The following DMD variants were observed in gnomAD, a reference collection of about 807,000 sequenced individuals.
The protein encoded by DMD is dystrophin, also known as mutant dystrophin.
Under a neutral mutation model 330.1 loss-of-function variants are expected in DMD, and 63 were observed. The ratio of observed to expected loss-of-function variants is 0.19; its 90% CI spans 0.16 to 0.24. DMD has a LOEUF of 0.24. Among genes scored for constraint, DMD ranks in the 10% least tolerant of loss-of-function variants. The pLI is 1.00. For missense variants in DMD, 3,344 were observed against 2,684.1 expected (o/e 1.25, Z -5.43); for synonymous variants, 1,223 against 959.8 (o/e 1.27, Z -5.07).
At chrX:32,733,178 A>G (rs183120879) in intron 7 of DMD, among the ~76,000 whole-genome samples, 123 of 110,632 alleles carry the variant, frequency 1.1e-3, no homozygotes, top group African/African-American at 4.1e-3. Context: ...GCCATTACAT[A>G]ATGGTAAAGG....
intron 16 of DMD, among the ~76,000 whole-genome samples, chrX:32,551,520 C>T (rs1603636110): frequency 1.8e-5 from 2 of 111,895 alleles, no homozygotes; most frequent in Middle Eastern, 9.3e-3. Flanking sequence ...AAAAAGTCCA[C>T]AGCCAACATT....
At chrX:32,950,913 C>T (rs1035846318) in intron 2 of DMD, among the ~76,000 whole-genome samples, 3 of 111,226 alleles carry the variant, frequency 2.7e-5, no homozygotes, top group Non-Finnish European at 3.8e-5. Flanking sequence ...CGGGAGTAAG[C>T]TGACAATTAA....
At chrX:31,180,146 C>T (rs190180846) in intron 69 of DMD, among the ~76,000 whole-genome samples, 1 of 111,310 alleles carries the variant, frequency 9.0e-6, no homozygotes, top group Non-Finnish European at 1.9e-5. Context: ...ATTTATTCAT[C>T]CAACAATATT....
chrX:33,166,727 G>T (rs1345689572), intron 1 of DMD, among the ~76,000 whole-genome samples: 1 of 109,837 alleles, frequency 9.1e-6, no homozygotes, highest in Non-Finnish European at 1.9e-5. Context: ...TGAACAAAAA[G>T]TCATGGCTGG....
intron 50 of DMD, among the ~76,000 whole-genome samples, chrX:31,817,891 G>A (rs1360103084): frequency 9.0e-6 from 1 of 111,592 alleles, no homozygotes; most frequent in African/African-American, 3.3e-5. Flanking sequence ...CTCCCTGCCT[G>A]GAATAATTTT....
chrX:32,545,148 G>C lies in DMD; in HGVS notation c.2168+11C>G, dbSNP rs376214348. 4 of 1,205,323 alleles carry C rather than the reference G, an allele frequency of 3.3e-6. No homozygotes were observed. Among genetic ancestry groups the C allele is most frequent in the Non-Finnish European group, 4.5e-6 (4 of 889,948 alleles). ...ACTTCATTTGCAGATAAAAGCTTAA[G>C]ATGCTCTCACCTTTTCCTAATTTCA... On this transcript the variant is annotated intron_variant, in intron 17 of 78. Transcript: ENST00000357033.
chrX:33,263,821 C>T (rs181537116), intron 1 of DMD, among the ~76,000 whole-genome samples: 19 of 110,360 alleles, frequency 1.7e-4, no homozygotes, highest in South Asian at 3.7e-4. Flanking sequence ...TTGCTTTGCA[C>T]GTCTGGGAAA....
At chrX:32,912,579 A>G (rs67636309) in intron 2 of DMD, among the ~76,000 whole-genome samples, 13,852 of 111,670 alleles carry the variant, frequency 0.12, 645 homozygotes, top group Admixed American at 0.17. Flanking sequence ...CTATGACGGA[A>G]TATGACATAA....
chrX:31,689,591 A>C (rs1341815251), intron 52 of DMD, among the ~76,000 whole-genome samples: 6 of 111,626 alleles, frequency 5.4e-5, no homozygotes, highest in Admixed American at 2.8e-4. Flanking sequence ...GCTACCAATG[A>C]CTTTCTTCAC....
At chrX:33,305,429 A>AG (rs1177617159) in intron 1 of DMD, among the ~76,000 whole-genome samples, 1 of 43,042 alleles carries the variant, frequency 2.3e-5, no homozygotes, top group Non-Finnish European at 4.4e-5. Flanking sequence ...GGGTGGGGGG[A>AG]GGGGGGAGGG....
At chrX:32,639,776 A>G (rs2059332656) in intron 11 of DMD, among the ~76,000 whole-genome samples, 1 of 112,026 alleles carries the variant, frequency 8.9e-6, no homozygotes, top group Non-Finnish European at 1.9e-5. Context: ...TTGTGAAAAA[A>G]TAACTGCAAA....
At chrX:31,648,411 C>T (rs1177629207) in intron 54 of DMD, among the ~76,000 whole-genome samples, 3 of 108,252 alleles carry the variant, frequency 2.8e-5, no homozygotes, top group Admixed American at 1.0e-4. Context: ...AGAAATGCCA[C>T]AAAAACACAC....
Position 32,325,331 on chromosome X carries a change from C to T in DMD, c.5923-15055G>A, listed in dbSNP as rs556114298. 1.8e-3 allele frequency among the ~76,000 whole-genome samples: 196 copies of T among 111,121 alleles called. 2 individuals are homozygous for T. The highest frequency in any genetic ancestry group is 6.1e-3 in the African/African-American group (188 of 30,671). On this transcript the variant is annotated intron_variant, in intron 41 of 78. Transcript: ENST00000357033. Reference sequence around the variant, plus strand: ...AATACTGCAATACATTTAAAATAATCGCACAGAGCTCTGAACTAGCACTAA... The same window carrying T: ...AATACTGCAATACATTTAAAATAATTGCACAGAGCTCTGAACTAGCACTAA...
chrX:32,482,013 A>G (rs1300992463), intron 21 of DMD, among the ~76,000 whole-genome samples: 1 of 112,132 alleles, frequency 8.9e-6, no homozygotes, highest in Non-Finnish European at 1.9e-5. Context: ...TGGCTTTGTC[A>G]TAACTAATAA....
chrX:32,192,426 G>C (rs1189067942), intron 44 of DMD, among the ~76,000 whole-genome samples: 1 of 111,763 alleles, frequency 8.9e-6, no homozygotes, highest in African/African-American at 3.3e-5. Context: ...CCAATGAACA[G>C]AGAGAGCACT....
Position 33,279,744 on chromosome X carries a change from G to T in DMD, c.7+59515C>A, listed in dbSNP as rs780128663. ...ATCTGGTGTCTATTTTCTTATTTTA[G>T]CCATTTTGACTACTAGGTAATAATA... On this transcript the variant is annotated intron_variant, in intron 1 of 17. Coordinates refer to the DMD transcript ENST00000288447. Among the ~76,000 whole-genome samples, 9 of 110,581 alleles carry T rather than the reference G, an allele frequency of 8.1e-5. No individual in the cohort carries two copies. In the East Asian group the frequency reaches 2.6e-3, roughly 32 times the overall value.
intron 1 of DMD, among the ~76,000 whole-genome samples, chrX:33,322,557 G>C (rs2054031389): frequency 9.0e-6 from 1 of 111,388 alleles, no homozygotes; most frequent in African/African-American, 3.3e-5. Flanking sequence ...TGTGGCTTTT[G>C]TACTCTAACC....
At chrX:32,453,086 T>C (rs1357178592) in intron 26 of DMD, among the ~76,000 whole-genome samples, 1 of 111,252 alleles carries the variant, frequency 9.0e-6, no homozygotes. Context: ...CACCCTCAAA[T>C]CCTGCCTGAA....
intron 1 of DMD, among the ~76,000 whole-genome samples, chrX:33,118,260 G>C (rs5928179): frequency 1.9e-5 from 2 of 105,777 alleles, no homozygotes; most frequent in Admixed American, 2.1e-4. Context: ...ACAGGCGCCC[G>C]CTACCACGCC....
Sources: allele counts gnomAD v4.1 joint callset (sites outside exome capture counted in the v4.1 genomes callset), GRCh38; gene constraint gnomAD v4.1.1; transcripts MANE v1.5; gene names NCBI Gene and HGNC (gene_info 2026-07-23, HGNC 2026-07-21).